Variants in CTNNA2 observed in about 807,000 individuals in gnomAD.
CTNNA2 encodes catenin alpha 2.
Under a neutral mutation model 101.0 loss-of-function variants are expected in CTNNA2, and 42 were observed. The observed-to-expected ratio is 0.42, with a 90% CI of 0.32 to 0.54. CTNNA2 has a LOEUF of 0.54. CTNNA2 is among the 20% of genes least tolerant of loss of function. The pLI is 0.14. For missense variants in CTNNA2, 871 were observed against 1,223.1 expected, an observed-to-expected ratio of 0.71 and a Z score of 4.29; for synonymous variants, 450 against 456.4, an observed-to-expected ratio of 0.99 and a Z score of 0.18.
chr2:79,306,301 A>G (rs936612515), intron 2 of CTNNA2, among the ~76,000 whole-genome samples: 2 of 152,176 alleles, frequency 1.3e-5, no homozygotes, highest in Non-Finnish European at 2.9e-5. Context: ...GTACATCATG[A>G]CAACTACAGT....
At chr2:80,296,350 A>C (rs1054872188) in intron 7 of CTNNA2, among the ~76,000 whole-genome samples, 16 of 152,130 alleles carry the variant, frequency 1.1e-4, no homozygotes, top group Admixed American at 2.0e-4. Context: ...CCTTCTTGTT[A>C]ATTAAATCTC....
intron 1 of CTNNA2, among the ~76,000 whole-genome samples, chr2:79,646,293 GGAAACAA>G (rs1253649421): frequency 6.6e-6 from 1 of 152,172 alleles, no homozygotes. Context: ...CGCTGTCCAA[GGAAACAA>G]GCCCCTTAAC....
chr2:80,419,185 G>A lies in CTNNA2; in HGVS notation c.1138-264G>A, dbSNP rs554506146. Among the ~76,000 whole-genome samples the A allele has an allele frequency of 1.0e-3, 159 of 152,284 alleles. 1 individual carries two copies. The highest frequency in any genetic ancestry group is 3.4e-3 in the African/African-American group (140 of 41,562). On this transcript the variant is annotated intron_variant, in intron 8 of 18. Coordinates refer to ENST00000402739, the MANE Select transcript of CTNNA2 (RefSeq NM_001282597.3). ...TCGGGTCAATGAAGGATGAGAGAAGGCCTTTGATGGGAGAGGACCCATAGT... is the reference window on the plus strand; with the variant it reads ...TCGGGTCAATGAAGGATGAGAGAAGACCTTTGATGGGAGAGGACCCATAGT...
intron 4 of CTNNA2, among the ~76,000 whole-genome samples, chr2:79,487,112 T>A (rs2104561325): frequency 6.6e-6 from 1 of 152,320 alleles, no homozygotes; most frequent in Admixed American, 6.5e-5. Flanking sequence ...GTTTAAAAGA[T>A]GCATTAACAT....
chr2:80,309,002 T>A (rs1331724637), intron 7 of CTNNA2, among the ~76,000 whole-genome samples: 3 of 151,734 alleles, frequency 2.0e-5, no homozygotes, highest in Admixed American at 2.0e-4. Flanking sequence ...GGCAGGAGAA[T>A]CACTTGAACC....
intron 2 of CTNNA2, among the ~76,000 whole-genome samples, chr2:79,700,117 C>G (rs1385459802): frequency 6.6e-6 from 1 of 151,720 alleles, no homozygotes; most frequent in East Asian, 1.9e-4. Context: ...TAATCAACAC[C>G]CAACTTGTAT....
At chr2:80,638,544 C>A (rs1392299329) in intron 18 of CTNNA2, among the ~76,000 whole-genome samples, 1 of 152,144 alleles carries the variant, frequency 6.6e-6, no homozygotes, top group Non-Finnish European at 1.5e-5. Context: ...TCCGAACTTT[C>A]CAAGGGCCAA....
Position 80,372,475 on chromosome 2 carries a change from T to C in CTNNA2, c.1057-20736T>C, listed in dbSNP as rs548788157. Among the ~76,000 whole-genome samples, 5 of 152,116 alleles carry C rather than the reference T, an allele frequency of 3.3e-5. No individual in the cohort carries two copies. The East Asian group carries it at 9.7e-4, about 29-fold the overall frequency. On this transcript the variant is annotated intron_variant, in intron 7 of 18. Transcript: ENST00000402739. ...CTAAAGAATTAATTGGACTTGAGTG[T>C]AGAACCTGGATTTGATCCTGGGTTT...
chr2:80,248,641 G>C (rs537600972), intron 7 of CTNNA2, among the ~76,000 whole-genome samples: 36 of 152,266 alleles, frequency 2.4e-4, no homozygotes, highest in Middle Eastern at 3.4e-3. Context: ...TCTCTCAGCA[G>C]CTGCTGGTTG....
At chr2:80,060,160 C>A (rs977179232) in intron 7 of CTNNA2, among the ~76,000 whole-genome samples, 2 of 152,186 alleles carry the variant, frequency 1.3e-5, no homozygotes, top group Non-Finnish European at 2.9e-5. Context: ...GCCTCTTGCC[C>A]TTGACTTCAC....
At chr2:79,918,929 A>C (rs1036602493) in intron 7 of CTNNA2, among the ~76,000 whole-genome samples, 1 of 152,222 alleles carries the variant, frequency 6.6e-6, no homozygotes, top group Non-Finnish European at 1.5e-5. Flanking sequence ...ACAGATTATA[A>C]AATATTTCAA....
intron 7 of CTNNA2, chr2:80,028,023 C>G: frequency 9.6e-6 from 1 of 103,728 alleles, no homozygotes; most frequent in South Asian, 3.3e-4. Flanking sequence ...AAAAGAAATA[C>G]AGATTTATTT....
chr2:79,877,301 C>T (rs773715992), intron 6 of CTNNA2, among the ~76,000 whole-genome samples: 4 of 151,996 alleles, frequency 2.6e-5, no homozygotes, highest in Non-Finnish European at 4.4e-5. Context: ...TGTCATTTAA[C>T]AAATGCAATT....
chr2:80,261,680 C>G (rs1367528860), intron 7 of CTNNA2, among the ~76,000 whole-genome samples: 2 of 152,092 alleles, frequency 1.3e-5, no homozygotes, highest in African/African-American at 4.8e-5. Context: ...AAAGAGATCA[C>G]TTGTAGTAGC....
At position 80,122,358 on chromosome 2, in the gene CTNNA2, C is replaced by T. The variant is rs572361135; in HGVS notation, c.1056+212561C>T. Among the ~76,000 whole-genome samples, 10 of 151,152 alleles carry T rather than the reference C, an allele frequency of 6.6e-5. No individual in the cohort carries two copies. In the South Asian group the frequency reaches 1.5e-3, roughly 22 times the overall value. ...TCTCTGTCTCTTTCTCTCTCTCCCC[C>T]CTTCCTTTTTTGCTCTCTCTCCCAG... On this transcript the variant is annotated intron_variant, in intron 7 of 18. Coordinates refer to ENST00000402739, the MANE Select transcript of CTNNA2 (RefSeq NM_001282597.3).
At chr2:80,276,466 A>G (rs1204939411) in intron 7 of CTNNA2, among the ~76,000 whole-genome samples, 1 of 152,186 alleles carries the variant, frequency 6.6e-6, no homozygotes, top group East Asian at 1.9e-4. Context: ...TAAAGGAAAT[A>G]CCTGAGGCTG....
intron 18 of CTNNA2, among the ~76,000 whole-genome samples, chr2:80,621,347 A>C (rs964870027): frequency 2.6e-5 from 4 of 152,012 alleles, no homozygotes; most frequent in Non-Finnish European, 5.9e-5. Context: ...TCCAGAAAAA[A>C]CATTCAGTTT....
intron 7 of CTNNA2, among the ~76,000 whole-genome samples, chr2:80,003,353 G>C (rs764972710): frequency 6.6e-6 from 1 of 152,076 alleles, no homozygotes; most frequent in Non-Finnish European, 1.5e-5. Context: ...ACTCTGTCAG[G>C]TGTCAAGGCC....
chr2:79,288,659 T>C (rs1675696162), intron 2 of CTNNA2, among the ~76,000 whole-genome samples: 2 of 152,178 alleles, frequency 1.3e-5, no homozygotes, highest in African/African-American at 4.8e-5. Flanking sequence ...CCTCATACCA[T>C]GGTGGCTTTG....
Sources: gnomAD v4.1 joint callset for allele counts (sites outside exome capture counted in the v4.1 genomes callset) on GRCh38, gnomAD v4.1.1 for gene constraint, MANE v1.5 for transcripts, NCBI Gene and HGNC (gene_info 2026-07-23, HGNC 2026-07-21) for gene names.